Variants in AGAP1 observed in about 807,000 individuals in gnomAD.
The protein encoded by AGAP1 is ArfGAP with GTPase domain, ankyrin repeat and PH domain 1.
AGAP1 carries 29 observed loss-of-function variants against 105.3 expected under a neutral mutation model. The observed-to-expected ratio is 0.28, with a 90% confidence interval of 0.21 to 0.38. The LOEUF is 0.38. Ranked by LOEUF, AGAP1 falls within the 10% of genes least tolerant of loss-of-function variation. The pLI is 1.00. For missense variants in AGAP1, 998 were observed against 1,165.1 expected (o/e 0.86, Z 2.09); for synonymous variants, 509 against 485.9 (o/e 1.05, Z -0.63).
chr2:235,891,153 G>C lies in AGAP1; in HGVS notation c.1155+7704G>C, dbSNP rs2050521836. 6.6e-6 allele frequency among the ~76,000 whole-genome samples: 1 copy of C among 152,082 alleles called. No homozygotes were observed. On this transcript the variant is annotated intron_variant, in intron 10 of 17. Coordinates refer to ENST00000304032, the MANE Select transcript of AGAP1 (RefSeq NM_001037131.3). The surrounding 1 kb of genome is among the most constrained non-coding windows in gnomAD (Gnocchi z 4.2). ...ATAGCTAACATCAGGGAAGTCCCAG[G>C]CAATCTGGGACCTGGCCGCACTTGC...
Position 236,049,052 on chromosome 2 carries a change from C to A in AGAP1, c.1892-7C>A. 1.2e-6 allele frequency: 2 copies of A among 1,612,148 alleles called. No individual in the cohort carries two copies. Among genetic ancestry groups the A allele is most frequent in the Non-Finnish European group, 1.7e-6 (2 of 1,178,474 alleles). On this transcript the variant is annotated splice_polypyrimidine_tract_variant and splice_region_variant and intron_variant, in intron 15 of 17. Transcript: ENST00000304032. The stretch of plus-strand genomic sequence containing the variant: ...TTGCGTTTAGCGTTCTGTTCCTCTT[C>A]CCGTAGATCCCAACTGGGCCAGTTT...
At chr2:235,542,308 G>T (rs2149097322) in intron 1 of AGAP1, among the ~76,000 whole-genome samples, 1 of 152,332 alleles carries the variant, frequency 6.6e-6, no homozygotes, top group Middle Eastern at 3.4e-3. Context: ...CAGGGCCAGG[G>T]ACTTGGCCTT....
At position 235,574,824 on chromosome 2, in the gene AGAP1, A is replaced by T. The variant is rs1944680538; in HGVS notation, c.163+79975A>T. The stretch of plus-strand genomic sequence containing the variant: ...ATATTTTCTGAGACCTTTGGTTTAG[A>T]ATCTAAACTTTGTTGAGGCTGGGCG... On this transcript the variant is annotated intron_variant, in intron 1 of 17. Transcript: ENST00000304032. The surrounding 1 kb of genome is among the most constrained non-coding windows in gnomAD (Gnocchi z 5.0). Among the ~76,000 whole-genome samples, 1 of 152,248 alleles carries T rather than the reference A, an allele frequency of 6.6e-6. No homozygotes were observed. The highest frequency in any genetic ancestry group is 1.5e-5 in the Non-Finnish European group (1 of 68,048).
At chr2:235,576,774 G>GC (rs1285484317) in intron 1 of AGAP1, among the ~76,000 whole-genome samples, 1 of 152,234 alleles carries the variant, frequency 6.6e-6, no homozygotes, top group Non-Finnish European at 1.5e-5. Context: ...ATGGAGAGAT[G>GC]CCCAGCGTAA....
chr2:236,065,978 C>T (rs1272843463), intron 16 of AGAP1, among the ~76,000 whole-genome samples: 1 of 152,178 alleles, frequency 6.6e-6, no homozygotes, highest in African/African-American at 2.4e-5. Context: ...GCACTGTGGT[C>T]GGCATGTGTC....
rs2149495310 is a variant in AGAP1, at chr2:235,705,950, GAATA to G, written c.164-3228_164-3225del. Among the ~76,000 whole-genome samples, 1 of 152,286 alleles carries G rather than the reference GAATA, an allele frequency of 6.6e-6. No individual in the cohort carries two copies. Among genetic ancestry groups the G allele is most frequent in the African/African-American group, 2.4e-5 (1 of 41,560 alleles). On this transcript the variant is annotated intron_variant, in intron 1 of 17. Coordinates refer to ENST00000304032, the MANE Select transcript of AGAP1 (RefSeq NM_001037131.3). This position sits in a 1 kb window ranked among gnomAD's most constrained non-coding sequence, Gnocchi z 4.9. ...GTTGAAAAATCAGCAGTGCATTGAT[GAATA>G]GAGCTCATTTTAATTCACAGTTTAC...
At chr2:235,802,992 A>T (rs1450329575) in intron 8 of AGAP1, among the ~76,000 whole-genome samples, 1 of 108,814 alleles carries the variant, frequency 9.2e-6, no homozygotes, top group Non-Finnish European at 1.9e-5. Context: ...GATGGTTGTG[A>T]TGGTGGTGAT....
At chr2:235,841,046 CA>C (rs2106392732) in intron 9 of AGAP1, among the ~76,000 whole-genome samples, 1 of 152,158 alleles carries the variant, frequency 6.6e-6, no homozygotes, top group African/African-American at 2.4e-5. Context: ...AAAAGGACTA[CA>C]GCATGTCCAT....
At chr2:235,774,284 A>G (rs560904099) in intron 6 of AGAP1, 2 of 461,154 alleles carry the variant, frequency 4.3e-6, no homozygotes, top group Admixed American at 2.5e-5. Flanking sequence ...CACAGCCATC[A>G]GAGGAGTCCC....
intron 4 of AGAP1, among the ~76,000 whole-genome samples, chr2:235,743,476 C>T (rs987303254): frequency 6.6e-6 from 1 of 152,002 alleles, no homozygotes; most frequent in Non-Finnish European, 1.5e-5. Flanking sequence ...AAGGAGATGC[C>T]TTCCGTCAGC....
rs991643574 is a variant in AGAP1 at position 235,552,106 on chromosome 2, C to T, written c.163+57257C>T. 5.3e-5 allele frequency among the ~76,000 whole-genome samples: 8 copies of T among 152,140 alleles called. No homozygotes were observed. The highest frequency in any genetic ancestry group is 1.9e-4 in the African/African-American group (8 of 41,414). Reference sequence around the variant, plus strand: ...GGCTGTTCAGTGCCCCATAACTGGCCGCGGTACTGCCACCCGCTGGAAGGG... The same window carrying T: ...GGCTGTTCAGTGCCCCATAACTGGCTGCGGTACTGCCACCCGCTGGAAGGG... On this transcript the variant is annotated intron_variant, in intron 1 of 17. Coordinates refer to ENST00000304032, the MANE Select transcript of AGAP1 (RefSeq NM_001037131.3). This position sits in a 1 kb window ranked among gnomAD's most constrained non-coding sequence, Gnocchi z 5.9.
Position 235,931,195 on chromosome 2 carries a change from CAG to C in AGAP1, c.1483+273_1483+274del. On this transcript the variant is annotated intron_variant, in intron 12 of 17. Transcript: ENST00000304032. This position sits in a 1 kb window ranked among gnomAD's most constrained non-coding sequence, Gnocchi z 5.6. ...TCAGTTTGGAAACTGAGGCGGCAGA[CAG>C]GGCAACTGGCTTACCCAGGGTCACG... Among the ~76,000 whole-genome samples the C allele has an allele frequency of 6.6e-6, 1 of 152,178 alleles. No individual in the cohort carries two copies. Among genetic ancestry groups the C allele is most frequent in the Non-Finnish European group, 1.5e-5 (1 of 68,036 alleles).
rs540762144 is a variant in AGAP1, at chr2:236,049,547, A to G, written c.2114+266A>G. On this transcript the variant is annotated intron_variant, in intron 16 of 17. Coordinates refer to ENST00000304032, the MANE Select transcript of AGAP1 (RefSeq NM_001037131.3). ...AGAAATGTATTAAGCTTCTAACCTT[A>G]TGAATATATTACTTTAATTAATACA... is the stretch of plus-strand genomic sequence containing the variant. The G allele has an allele frequency of 7.4e-4, 262 of 354,960 alleles. 2 individuals carry two copies. Among genetic ancestry groups the G allele is most frequent in the Middle Eastern group, 5.9e-3 (7 of 1,194 alleles). The allele number at this position is 354,960 out of a possible 1,614,324, so 22.0% of individuals were successfully genotyped here. A position where few individuals can be genotyped will look rare whatever the true frequency, so the allele number is the denominator to read the frequency against.
In AGAP1 at chr2:235,744,357, G is replaced by A. The variant is rs1282976117; in HGVS notation, c.397-341G>A. Among the ~76,000 whole-genome samples the A allele has an allele frequency of 3.3e-5, 5 of 152,194 alleles. No individual in the cohort carries two copies. On this transcript the variant is annotated intron_variant, in intron 4 of 17. Transcript: ENST00000304032. The surrounding 1 kb of genome is among the most constrained non-coding windows in gnomAD (Gnocchi z 5.2). ...TGGCAGGAGGTGGGTCTGGCCTTCT[G>A]TCTGCGGGGCCGCCTTGGCAGGTCG...
At chr2:235,683,419 A>G (rs1003581673) in intron 1 of AGAP1, among the ~76,000 whole-genome samples, 3 of 151,860 alleles carry the variant, frequency 2.0e-5, no homozygotes, top group East Asian at 1.9e-4. Context: ...ATATACACAT[A>G]TTGATATAAT....
At chr2:236,116,861 A>G (rs929493447) in intron 16 of AGAP1, among the ~76,000 whole-genome samples, 4 of 151,310 alleles carry the variant, frequency 2.6e-5, no homozygotes, top group Non-Finnish European at 5.9e-5. Flanking sequence ...TTGGCTTTCC[A>G]TTCTTGAGTT....
chr2:235,773,906 TTGAGA>T (rs1268121782), intron 6 of AGAP1: 13 of 453,796 alleles, frequency 2.9e-5, no homozygotes, highest in Admixed American at 8.1e-5. Context: ...CTTTTCTTGC[TTGAGA>T]TATTTTACGT....
Position 235,714,943 on chromosome 2 carries a change from G to A in AGAP1, c.223-2614G>A, listed in dbSNP as rs921960610. Among the ~76,000 whole-genome samples the A allele has an allele frequency of 1.3e-5, 2 of 152,082 alleles. No individual in the cohort carries two copies. The highest frequency in any genetic ancestry group is 3.2e-3 in the Middle Eastern group (1 of 316). The stretch of plus-strand genomic sequence containing the variant: ...CTCCTGAGTAGCTGGGACTACAGGC[G>A]TGTGCCACCACGCCTTGTTATTTTT... On this transcript the variant is annotated intron_variant, in intron 2 of 17. Transcript: ENST00000304032. The surrounding 1 kb of genome is among the most constrained non-coding windows in gnomAD (Gnocchi z 4.1).
intron 6 of AGAP1, among the ~76,000 whole-genome samples, chr2:235,776,108 A>G (rs1238433214): frequency 6.6e-6 from 1 of 152,156 alleles, no homozygotes; most frequent in Non-Finnish European, 1.5e-5. Context: ...CCCTCTTAAG[A>G]ACTGATTTTG....
Sources: allele counts gnomAD v4.1 joint callset (sites outside exome capture counted in the v4.1 genomes callset), GRCh38; gene constraint gnomAD v4.1.1; non-coding constraint Gnocchi (gnomAD v3.1); transcripts MANE v1.5; gene names NCBI Gene and HGNC (gene_info 2026-07-23, HGNC 2026-07-21).